Variants in MYRF observed in about 807,000 individuals in gnomAD.
MYRF encodes the protein myelin gene regulatory factor.
A neutral mutation model predicts 126.3 loss-of-function variants in MYRF; 16 were observed. The ratio of observed to expected loss-of-function variants is 0.13; its 90% confidence interval spans 0.09 to 0.19. The LOEUF is 0.19. MYRF is among the 10% of genes least tolerant of loss of function. The probability of loss-of-function intolerance (pLI) is 1.00; values close to 1 mark genes in which losing one functional copy is unlikely to be tolerated. For missense variants in MYRF, 1,104 were observed against 1,547.0 expected (o/e 0.71, Z 4.80); for synonymous variants, 608 against 635.3 (o/e 0.96, Z 0.65).
At chr11:61,772,007 C>A (rs1392758030) in intron 7 of MYRF, 55 bp downstream of exon 7, 1 of 1,604,558 alleles carries the variant, frequency 6.2e-7, no homozygotes, top group South Asian at 1.1e-5. Flanking sequence ...TTGGGACGCC[C>A]CAGCCCAGGA....
At chr11:61,771,426 G>A (rs1443076125) in intron 5 of MYRF, 74 bp from the exon 6 acceptor site, 2 of 1,544,946 alleles carry the variant, frequency 1.3e-6, no homozygotes, top group Non-Finnish European at 1.7e-6. Flanking sequence ...AGAGAGGGGA[G>A]AGAGGTGGAT....
chr11:61,779,520 C>A lies in MYRF; in HGVS notation c.2197C>A (p.Arg733=). 2 of 1,516,690 alleles carry A rather than the reference C, an allele frequency of 1.3e-6. No homozygotes were observed. The highest frequency in any genetic ancestry group is 1.3e-5 in the South Asian group (1 of 75,650). 94.0% of individuals were successfully genotyped at this position (1,516,690 alleles called of 1,614,324 possible). A position where few individuals can be genotyped will look rare whatever the true frequency, so the allele number is the denominator to read the frequency against. ...CAGCCATGCAGGGAGCCAGTTCAGTCGGGCGGGCAGCGTCCCCCACAAGAA... is the reference window on the plus strand; with the variant it reads ...CAGCCATGCAGGGAGCCAGTTCAGTAGGGCGGGCAGCGTCCCCCACAAGAA... ...AFSHAGSQFS[R]AGSVPHKKRP... is the part of the protein sequence containing the mutation. The change falls in exon 16 of 27, where the codon CGG becomes AGG. Residue 733 remains arginine (R), a synonymous_variant. Transcript: ENST00000278836.
chr11:61,779,464 A>G, intron 15 of MYRF, 34 bp from the exon 16 acceptor site: 1 of 1,546,690 alleles, frequency 6.5e-7, no homozygotes, highest in Non-Finnish European at 8.7e-7. Context: ...CCTTCTTCCC[A>G]GGGACACCCC....
chr11:61,779,331 G>A lies in MYRF; in HGVS notation c.2082G>A (p.Thr694=), dbSNP rs1386095148. 18 of 1,550,920 alleles carry A rather than the reference G, an allele frequency of 1.2e-5. No homozygotes were observed. The highest frequency in any genetic ancestry group is 2.4e-5 in the East Asian group (1 of 40,920). Residue 694 remains threonine, a synonymous_variant, in exon 15 of 27, where the codon ACG becomes ACA. Coordinates refer to ENST00000278836, the MANE Select transcript of MYRF (RefSeq NM_001127392.3). ...GCAAGCTGACAGACAACCTGGAGAC[G>A]CGCATTGATGAGCTGGAGCGCTGGA... ...ELCKLTDNLE[T]RIDELERWSH...
intron 26 of MYRF, 53 bp downstream of exon 26, chr11:61,785,927 C>G: frequency 6.3e-7 from 1 of 1,585,202 alleles, no homozygotes; most frequent in Non-Finnish European, 8.7e-7. Context: ...CTGTCTGCGA[C>G]GTGGGGCTTG....
chr11:61,788,000 G>A lies in MYRF; in HGVS notation c.*1857G>A, dbSNP rs922231398. The stretch of plus-strand genomic sequence containing the variant: ...GGAGGGGTTCCTCAGTGCAGGAGTT[G>A]GGGACAGGCTGGGGATCCAAGCTGC... On this transcript the variant is annotated 3_prime_UTR_variant, in exon 27 of 27. Coordinates refer to ENST00000278836, the MANE Select transcript of MYRF (RefSeq NM_001127392.3). 1 of 152,824 alleles carries A rather than the reference G, an allele frequency of 6.5e-6. No homozygotes were observed. Among genetic ancestry groups the A allele is most frequent in the Non-Finnish European group, 1.5e-5 (1 of 68,154 alleles). 9.5% of individuals were successfully genotyped at this position (152,824 alleles called of 1,614,324 possible).
intron 1 of MYRF, among the ~76,000 whole-genome samples, chr11:61,758,589 G>T (rs2065823055): frequency 1.3e-5 from 2 of 152,216 alleles, no homozygotes; most frequent in African/African-American, 2.4e-5. Flanking sequence ...CCTGTCGTCG[G>T]GTCAGTGAGT....
Position 61,783,531 on chromosome 11 carries a change from C to T in MYRF, c.3050C>T (p.Thr1017Ile). The change falls in exon 23 of 27, where the codon ACC (threonine) becomes ATC (isoleucine). Residue 1017 changes from threonine (T) to isoleucine (I), a missense_variant. Physicochemically the swap from Thr to Ile is moderately conservative, Grantham distance 89 (BLOSUM62 -1). Transcript: ENST00000278836. The surrounding 1 kb of genome is among the most constrained non-coding windows in gnomAD (Gnocchi z 4.6). ...CTTGCAGAGCCAGTGCCCTCCCTGA[C>T]CTCCATCCAGGTGCTGGAGAATTCG... ...SLLAEPVPSL[T>I]SIQVLENSMS... is the part of the protein sequence containing the mutation. 6.2e-7 allele frequency: 1 copy of T among 1,613,874 alleles called. No individual in the cohort carries two copies. Among genetic ancestry groups the T allele is most frequent in the South Asian group, 1.1e-5 (1 of 91,088 alleles).
Position 61,780,216 on chromosome 11 carries a change from C to T in MYRF, c.2337-6C>T. ...CTCTAACGGTCACCCTTTTCTGTGG[C>T]TCCAGCGTGGTGTCCATGTCCACAC... On this transcript the variant is annotated splice_polypyrimidine_tract_variant and splice_region_variant and intron_variant, in intron 17 of 26. Coordinates refer to ENST00000278836, the MANE Select transcript of MYRF (RefSeq NM_001127392.3). 6.2e-7 allele frequency: 1 copy of T among 1,613,912 alleles called. No individual in the cohort carries two copies. The highest frequency in any genetic ancestry group is 8.5e-7 in the Non-Finnish European group (1 of 1,179,884).
In MYRF at chr11:61,757,957, C is replaced by A. The variant is rs2065803873; in HGVS notation, c.46+5167C>A. On this transcript the variant is annotated intron_variant, in intron 1 of 26. Transcript: ENST00000278836. The surrounding 1 kb of genome is among the most constrained non-coding windows in gnomAD (Gnocchi z 4.7). ...CTCCTCCTGACATGCTGAGGGGTGGCTCCAGCACGGGTGGCCACGCCAGGT... is the reference window on the plus strand; with the variant it reads ...CTCCTCCTGACATGCTGAGGGGTGGATCCAGCACGGGTGGCCACGCCAGGT... Among the ~76,000 whole-genome samples the A allele has an allele frequency of 3.9e-5, 6 of 152,170 alleles. No homozygotes were observed.
chr11:61,775,847 G>T (rs1363116042), intron 8 of MYRF, among the ~76,000 whole-genome samples: 1 of 151,918 alleles, frequency 6.6e-6, no homozygotes, highest in African/African-American at 2.4e-5. Context: ...ATGCTGTGAG[G>T]GGTGAGGAGG....
Position 61,765,722 on chromosome 11 carries a change from C to G in MYRF, c.134+10C>G. The G allele has an allele frequency of 6.2e-7, 1 of 1,608,638 alleles. No homozygotes were observed. ...AGGATGCCTCCGACCTGTGAGTGGC[C>G]CCCTCGCCCGGCCTGCACCCGCCCA... On this transcript the variant is annotated intron_variant, in intron 2 of 26. Coordinates refer to ENST00000278836, the MANE Select transcript of MYRF (RefSeq NM_001127392.3).
At position 61,752,645 on chromosome 11, in the gene MYRF, G is replaced by T. The variant is rs1338313314; in HGVS notation, c.-100G>T. ...CGGACCGGGCGGGACCGTAGCCGGA[G>T]CCCAGCCGGGACTGTCGCGCGGGCC... On this transcript the variant is annotated 5_prime_UTR_variant, in exon 1 of 27. Coordinates refer to ENST00000278836, the MANE Select transcript of MYRF (RefSeq NM_001127392.3). 1 of 953,332 alleles carries T rather than the reference G, an allele frequency of 1.0e-6. No individual in the cohort carries two copies. 59.1% of individuals were successfully genotyped at this position (953,332 alleles called of 1,614,324 possible).
intron 16 of MYRF, 38 bp from the exon 17 acceptor site, chr11:61,779,804 G>A (rs1565302583): frequency 6.3e-7 from 1 of 1,583,070 alleles, no homozygotes; most frequent in Admixed American, 1.7e-5. Context: ...CCTCAGCCTG[G>A]CCCTCTTTGC....
In MYRF at chr11:61,752,779, G is replaced by T. The variant is rs1202166591; in HGVS notation, c.35G>T (p.Arg12Leu). ...GTGGACGAGACGGAGGCGCTGCAGC[G>T]CTTCTTCGAAGGTGAGAGACCGCGG... ...EVVDETEALQ[R>L]FFEGHDINGA... The change falls in exon 1 of 27, where the codon CGC (arginine) becomes CTC (leucine). Residue 12 changes from arginine (R) to leucine (L), a missense_variant. By Grantham distance (102) the Arg-to-Leu change is moderately radical (BLOSUM62 -2). This residue lies in a region of MYRF where 368 missense variants were observed against 403.9 expected (regional missense o/e 0.91). Transcript: ENST00000278836. The T allele has an allele frequency of 1.3e-5, 19 of 1,487,856 alleles. No homozygotes were observed. Among genetic ancestry groups the T allele is most frequent in the Middle Eastern group, 1.7e-4 (1 of 5,718 alleles). The allele number at this position is 1,487,856 out of a possible 1,614,324, so 92.2% of individuals were successfully genotyped here. A position where few individuals can be genotyped will look rare whatever the true frequency, so the allele number is the denominator to read the frequency against.
rs558909548 is a variant in MYRF, at chr11:61,753,316, A to G, written c.46+526A>G. On this transcript the variant is annotated intron_variant, in intron 1 of 26. Transcript: ENST00000278836. ...GCCCTTCTGGTTGGCGCCATCCCCC[A>G]TGACTTCTAGGAGCTGGGACCTCCC... 3.4e-5 allele frequency among the ~76,000 whole-genome samples: 5 copies of G among 145,962 alleles called. No homozygotes were observed. The South Asian group carries it at 9.0e-4, about 26-fold the overall frequency.
At chr11:61,771,067 C>G (rs1400130439) in intron 5 of MYRF, among the ~76,000 whole-genome samples, 2 of 152,182 alleles carry the variant, frequency 1.3e-5, no homozygotes, top group African/African-American at 4.8e-5. Flanking sequence ...GCGGAAGCTC[C>G]CCTTCCCTGG....
chr11:61,771,897 C>T lies in MYRF; in HGVS notation c.1060C>T (p.Gln354Ter). The T allele has an allele frequency of 6.2e-7, 1 of 1,614,178 alleles. No homozygotes were observed. The highest frequency in any genetic ancestry group is 8.5e-7 in the Non-Finnish European group (1 of 1,180,026). ...CCCCAACTACCAGTCCATCAAGTGG[C>T]AGCCTCATCAGCAGAACAAGTGGGC... ...LDPNYQSIKW[Q>*]PHQQNKWATL... is the part of the protein sequence containing the mutation. Residue 354 changes from glutamine (Q) to a stop codon, truncating the protein, a stop_gained, in exon 7 of 27, where the codon CAG becomes TAG. Transcript: ENST00000278836. LOFTEE classifies it high-confidence loss of function.
intron 1 of MYRF, among the ~76,000 whole-genome samples, chr11:61,762,822 C>T (rs1565282402): frequency 1.3e-5 from 2 of 152,328 alleles, no homozygotes; most frequent in African/African-American, 2.4e-5. Flanking sequence ...CACCCACTGG[C>T]CTCCCCGCAA....
Sources: allele counts gnomAD v4.1 joint callset (sites outside exome capture counted in the v4.1 genomes callset), GRCh38; gene constraint gnomAD v4.1.1; regional missense constraint gnomAD v4.1.1; non-coding constraint Gnocchi (gnomAD v3.1); transcripts MANE v1.5; gene names NCBI Gene and HGNC (gene_info 2026-07-23, HGNC 2026-07-21).